The following CCDC171 variants were observed in gnomAD, a reference collection of about 807,000 sequenced individuals.
The protein encoded by CCDC171 is coiled-coil domain-containing protein 171.
A neutral mutation model predicts 168.2 loss-of-function variants in CCDC171; 177 were observed. That is an observed-to-expected ratio of 1.05 (90% CI 0.93 to 1.19). The LOEUF is 1.19. Among genes scored for constraint, CCDC171 ranks in the 50% most tolerant of loss-of-function variants. CCDC171 has a pLI of 0.00. For synonymous variants in CCDC171, 687 were observed against 540.8 expected (o/e 1.27, Z -3.75); for missense variants, 1,991 against 1,539.0 (o/e 1.29, Z -4.91).
At chr9:16,087,159 C>A in the CCDC171 span, among the ~76,000 whole-genome samples, 2 of 152,106 alleles carry the variant, frequency 1.3e-5, no homozygotes, top group Non-Finnish European at 2.9e-5. Flanking sequence ...ATTATGTGGT[C>A]AATTTTAGAA....
chr9:15,924,230 G>T (rs1370750634), intron 25 of CCDC171, among the ~76,000 whole-genome samples: 2 of 151,428 alleles, frequency 1.3e-5, no homozygotes, highest in African/African-American at 4.8e-5. Context: ...TTAGGAAGGA[G>T]TGGATATTGT....
At chr9:15,770,744 AT>A (rs1215820327) in intron 18 of CCDC171, among the ~76,000 whole-genome samples, 2 of 152,350 alleles carry the variant, frequency 1.3e-5, no homozygotes, top group East Asian at 3.9e-4. Flanking sequence ...AAGATAGTGC[AT>A]GGTGCTTTTA....
intron 21 of CCDC171, among the ~76,000 whole-genome samples, chr9:15,793,457 G>T (rs1368980248): frequency 1.3e-5 from 2 of 150,694 alleles, no homozygotes; most frequent in Non-Finnish European, 2.9e-5. Context: ...ACTCAGCTCT[G>T]CACCAAGCGG....
chr9:15,841,772 A>G (rs1425639066), intron 21 of CCDC171, among the ~76,000 whole-genome samples: 2 of 151,892 alleles, frequency 1.3e-5, no homozygotes, highest in African/African-American at 4.8e-5. Flanking sequence ...ATTATAAAAT[A>G]TATTATTCTT....
At chr9:15,640,686 C>T (rs907630718) in intron 7 of CCDC171, among the ~76,000 whole-genome samples, 2 of 152,054 alleles carry the variant, frequency 1.3e-5, no homozygotes, top group African/African-American at 4.8e-5. Flanking sequence ...TGTTTCTTAA[C>T]ATGTTTGATT....
At position 15,591,282 on chromosome 9, in the gene CCDC171, A is replaced by T. The variant is rs112490514; in HGVS notation, c.353-84A>T. 4.0e-6 allele frequency: 3 copies of T among 756,122 alleles called. No individual in the cohort carries two copies. In the African/African-American group the frequency reaches 5.4e-5, roughly 14 times the overall value. The allele number at this position is 756,122 out of a possible 1,614,324, so 46.8% of individuals were successfully genotyped here. A position where few individuals can be genotyped will look rare whatever the true frequency, so the allele number is the denominator to read the frequency against. Reference sequence around the variant, plus strand: ...TTATCCTAAGATCATGCTGTAAATGATGTCAACTCCAATGCCTAGGTTTTG... The same window carrying T: ...TTATCCTAAGATCATGCTGTAAATGTTGTCAACTCCAATGCCTAGGTTTTG... On this transcript the variant is annotated intron_variant, in intron 4 of 25. Transcript: ENST00000380701.
chr9:15,957,669 TATAAC>T lies in CCDC171; in HGVS notation c.3754-13938_3754-13934del, dbSNP rs1223411487. ...AATTAGATTTCTTCAAAATTTAGCT[TATAAC>T]AGAATCTCTTTCTCAAGAGAGTATG... On this transcript the variant is annotated intron_variant, in intron 25 of 25. Transcript: ENST00000380701. Among the ~76,000 whole-genome samples, 5 of 152,328 alleles carry T rather than the reference TATAAC, an allele frequency of 3.3e-5. No individual in the cohort carries two copies. The East Asian group carries it at 9.6e-4, about 29-fold the overall frequency.
intron 6 of CCDC171, among the ~76,000 whole-genome samples, chr9:15,603,128 C>T (rs1297642745): frequency 6.6e-6 from 1 of 151,864 alleles, no homozygotes; most frequent in Non-Finnish European, 1.5e-5. Flanking sequence ...CCTACAGGCG[C>T]CCGTCACCAC....
At chr9:15,566,775 T>G (rs1171983213) in intron 2 of CCDC171, among the ~76,000 whole-genome samples, 1 of 152,174 alleles carries the variant, frequency 6.6e-6, no homozygotes, top group Non-Finnish European at 1.5e-5. Context: ...AGATTTTTCT[T>G]CTATGTTTTC....
At chr9:15,662,735 G>A (rs2048409645) in intron 8 of CCDC171, among the ~76,000 whole-genome samples, 1 of 152,000 alleles carries the variant, frequency 6.6e-6, no homozygotes, top group East Asian at 1.9e-4. Flanking sequence ...CAGCACTTTG[G>A]GAGGCTGAGG....
At position 16,031,800 on chromosome 9, in the gene CCDC171, T is replaced by C. The variant is rs143000090; in HGVS notation, n.999-3657T>C. Among the ~76,000 whole-genome samples, 650 of 152,114 alleles carry C rather than the reference T, an allele frequency of 4.3e-3. 5 individuals are homozygous for C. The highest frequency in any genetic ancestry group is 6.8e-3 in the Non-Finnish European group (459 of 67,978). ...ATGAGGCTCAACTAGGGGGAACATG[T>C]TGAGATGGGGTAGCTACTGGACACC... On this transcript the variant is annotated intron_variant and non_coding_transcript_variant, in intron 6 of 9. Transcript: ENST00000486641.
chr9:15,692,869 G>A (rs919570725), intron 10 of CCDC171, among the ~76,000 whole-genome samples: 1 of 147,324 alleles, frequency 6.8e-6, no homozygotes, highest in Non-Finnish European at 1.5e-5. Context: ...GGGCATGGTG[G>A]CTCACCCCTG....
intron 7 of CCDC171, 62 bp downstream of exon 7, chr9:15,623,475 G>GCGCGCGCGCGCGCACGCACACA: frequency 3.2e-6 from 1 of 311,464 alleles, no homozygotes. Flanking sequence ...GCGCGCGCGC[G>GCGCGCGCGCGCGCACGCACACA]CACACACACA....
chr9:15,553,901 A>G (rs1489668852), intron 1 of CCDC171, among the ~76,000 whole-genome samples: 1 of 151,386 alleles, frequency 6.6e-6, no homozygotes, highest in Non-Finnish European at 1.5e-5. Context: ...CATTTTAGGT[A>G]AATGAGATAA....
chr9:15,829,867 C>A (rs2060159229), intron 21 of CCDC171, among the ~76,000 whole-genome samples: 1 of 152,172 alleles, frequency 6.6e-6, no homozygotes, highest in Non-Finnish European at 1.5e-5. Flanking sequence ...CTGCAGTGAA[C>A]CATGATTGTG....
chr9:15,656,600 A>G (rs192392573), intron 7 of CCDC171, among the ~76,000 whole-genome samples: 2 of 152,346 alleles, frequency 1.3e-5, no homozygotes, highest in Admixed American at 1.3e-4. Context: ...GATGGGTCTC[A>G]AAATAATTAT....
chr9:15,562,899 C>A (rs966703640), intron 1 of CCDC171, among the ~76,000 whole-genome samples: 1 of 104,274 alleles, frequency 9.6e-6, no homozygotes, highest in Non-Finnish European at 2.0e-5. Flanking sequence ...ATCTGAAGAG[C>A]TTGATAGACT....
intron 3 of CCDC171, among the ~76,000 whole-genome samples, chr9:16,017,809 C>T (rs183764473): frequency 4.6e-5 from 7 of 152,240 alleles, no homozygotes; most frequent in African/African-American, 7.2e-5. Flanking sequence ...TCATAACATG[C>T]GTTGCACAAG....
intron 1 of CCDC171, chr9:15,553,671 C>T (rs945280027): frequency 1.3e-5 from 2 of 152,218 alleles, no homozygotes; most frequent in Admixed American, 1.3e-4. Flanking sequence ...ATGCCGGCCA[C>T]ACACTAGACA....
Sources: gnomAD v4.1 joint callset for allele counts (sites outside exome capture counted in the v4.1 genomes callset) on GRCh38, gnomAD v4.1.1 for gene constraint, MANE v1.5 for transcripts, NCBI Gene and HGNC (gene_info 2026-07-23, HGNC 2026-07-21) for gene names.